Variants in GNA14 observed in about 807,000 individuals in gnomAD.
The protein encoded by GNA14 is G protein subunit alpha 14.
GNA14 carries 50 observed loss-of-function variants against 42.0 expected under a neutral mutation model. The observed-to-expected ratio is 1.19, with a 90% CI of 0.95 to 1.51. The LOEUF is 1.51. Among genes scored for constraint, GNA14 ranks in the 40% most tolerant of loss-of-function variants. GNA14 has a pLI of 0.00. For synonymous variants in GNA14, 173 were observed against 163.1 expected (o/e 1.06, Z -0.46); for missense variants, 473 against 446.2 (o/e 1.06, Z -0.54).
intron 2 of GNA14, among the ~76,000 whole-genome samples, chr9:77,512,740 C>T (rs572879850): frequency 6.6e-6 from 1 of 152,170 alleles, no homozygotes; most frequent in Non-Finnish European, 1.5e-5. Context: ...AGCTTTACCT[C>T]GTTCTTTTTA....
At position 77,577,684 on chromosome 9, in the gene GNA14, A is replaced by G. The variant is rs566307629; in HGVS notation, c.125-48431T>C. 9.2e-5 allele frequency among the ~76,000 whole-genome samples: 14 copies of G among 152,320 alleles called. No individual in the cohort carries two copies. In the East Asian group the frequency reaches 2.7e-3, roughly 29 times the overall value. ...CATCTGCAGATTAAACACTCTGAGA[A>G]TCTTCCTGTTTACTGACCACTTTCA... On this transcript the variant is annotated intron_variant, in intron 1 of 6. Transcript: ENST00000341700.
chr9:77,582,134 G>C (rs1427786917), intron 1 of GNA14, among the ~76,000 whole-genome samples: 2 of 152,102 alleles, frequency 1.3e-5, no homozygotes, highest in African/African-American at 4.8e-5. Flanking sequence ...TGCCCTTTCA[G>C]CAACACTTTA....
At chr9:77,552,319 G>A (rs971593438) in intron 1 of GNA14, among the ~76,000 whole-genome samples, 1 of 151,962 alleles carries the variant, frequency 6.6e-6, no homozygotes, top group Non-Finnish European at 1.5e-5. Flanking sequence ...GCTGAGAGAT[G>A]AACAAATCTG....
intron 2 of GNA14, among the ~76,000 whole-genome samples, chr9:77,446,599 T>G (rs1333208333): frequency 6.6e-6 from 1 of 151,968 alleles, no homozygotes; most frequent in Non-Finnish European, 1.5e-5. Context: ...ATCTTTCTTT[T>G]CCCATTTCTC....
intron 1 of GNA14, among the ~76,000 whole-genome samples, chr9:77,567,219 C>A (rs1482064464): frequency 2.6e-5 from 4 of 152,138 alleles, no homozygotes; most frequent in Non-Finnish European, 5.9e-5. Flanking sequence ...CTTTAGGAAG[C>A]AAGATTATTG....
In GNA14 at chr9:77,478,168, C is replaced by T. The variant is rs1162288301; in HGVS notation, c.310-43646G>A. 6.1e-5 allele frequency among the ~76,000 whole-genome samples: 9 copies of T among 146,812 alleles called. No homozygotes were observed. In the East Asian group the frequency reaches 1.9e-3, roughly 31 times the overall value. Reference sequence around the variant, plus strand: ...CATTAGGTATATCTCCTAATGCTATCCCTCCCTCCTCCCCCCACCCCACAA... The same window carrying T: ...CATTAGGTATATCTCCTAATGCTATTCCTCCCTCCTCCCCCCACCCCACAA... On this transcript the variant is annotated intron_variant, in intron 2 of 6. Transcript: ENST00000341700.
chr9:77,552,572 A>G (rs1837798952), intron 1 of GNA14, among the ~76,000 whole-genome samples: 1 of 152,158 alleles, frequency 6.6e-6, no homozygotes, highest in Non-Finnish European at 1.5e-5. Flanking sequence ...CTCTTTTAAG[A>G]ATTTCAAGAT....
At chr9:77,519,388 G>A (rs1285179799) in intron 2 of GNA14, among the ~76,000 whole-genome samples, 1 of 151,980 alleles carries the variant, frequency 6.6e-6, no homozygotes, top group African/African-American at 2.4e-5. Flanking sequence ...TCCAGCCTGG[G>A]TGACACGGCG....
At chr9:77,496,956 T>A (rs1438910334) in intron 2 of GNA14, among the ~76,000 whole-genome samples, 4 of 152,224 alleles carry the variant, frequency 2.6e-5, no homozygotes, top group African/African-American at 9.6e-5. Context: ...TTTAGGTCTG[T>A]AGATCACATA....
rs575947518 is a variant in GNA14 at position 77,607,761 on chromosome 9, T to C, written c.124+39909A>G. On this transcript the variant is annotated intron_variant, in intron 1 of 6. Coordinates refer to ENST00000341700, the MANE Select transcript of GNA14 (RefSeq NM_004297.4). ...AACAATTTAGTTCCTGGTTAGGGCC[T>C]GATTCCTGGCTTGCAGGCACTGGCC... 1.4e-3 allele frequency among the ~76,000 whole-genome samples: 212 copies of C among 152,312 alleles called. 1 individual carries two copies. Among genetic ancestry groups the C allele is most frequent in the Non-Finnish European group, 1.8e-3 (122 of 68,010 alleles).
chr9:77,481,328 G>C (rs879338568), intron 2 of GNA14, among the ~76,000 whole-genome samples: 3 of 152,172 alleles, frequency 2.0e-5, no homozygotes, highest in Non-Finnish European at 2.9e-5. Context: ...CTCAGGAGCA[G>C]GTTGTTCAGT....
At chr9:77,542,354 G>T (rs1837670819) in intron 1 of GNA14, among the ~76,000 whole-genome samples, 2 of 152,334 alleles carry the variant, frequency 1.3e-5, no homozygotes, top group South Asian at 2.1e-4. Context: ...GCAGTTATTA[G>T]TAAGTCTGTG....
intron 1 of GNA14, among the ~76,000 whole-genome samples, chr9:77,598,538 T>C (rs978204300): frequency 2.6e-5 from 4 of 152,174 alleles, no homozygotes; most frequent in African/African-American, 9.6e-5. Flanking sequence ...TCAAAGACAG[T>C]GCCCTCTGCT....
intron 1 of GNA14, among the ~76,000 whole-genome samples, chr9:77,591,734 T>A (rs2117889288): frequency 6.6e-6 from 1 of 152,282 alleles, no homozygotes; most frequent in East Asian, 1.9e-4. Flanking sequence ...CACTCCCTGC[T>A]CAAAAACCTT....
At chr9:77,543,956 T>A (rs1837690832) in intron 1 of GNA14, among the ~76,000 whole-genome samples, 1 of 152,236 alleles carries the variant, frequency 6.6e-6, no homozygotes, top group Admixed American at 6.5e-5. Flanking sequence ...ATTTGAGCTA[T>A]TCATACAATC....
At chr9:77,435,127 G>A (rs1414465228) in intron 2 of GNA14, among the ~76,000 whole-genome samples, 5 of 151,672 alleles carry the variant, frequency 3.3e-5, no homozygotes, top group Admixed American at 1.3e-4. Context: ...GGGAGGCCGA[G>A]GCGGGCCGAT....
chr9:77,481,808 C>T (rs1836557083), intron 2 of GNA14, among the ~76,000 whole-genome samples: 1 of 152,114 alleles, frequency 6.6e-6, no homozygotes, highest in South Asian at 2.1e-4. Context: ...ATGTAATGGC[C>T]TTCTTTGTCT....
chr9:77,491,048 C>A (rs1299708838), intron 2 of GNA14, among the ~76,000 whole-genome samples: 1 of 152,198 alleles, frequency 6.6e-6, no homozygotes, highest in African/African-American at 2.4e-5. Context: ...ACCATACAGT[C>A]CAGGAGGAAG....
chr9:77,536,167 A>G (rs1837595033), intron 1 of GNA14, among the ~76,000 whole-genome samples: 1 of 152,170 alleles, frequency 6.6e-6, no homozygotes, highest in South Asian at 2.1e-4. Flanking sequence ...AACTGGAAAC[A>G]ATTGGAGACA....
Sources: allele counts gnomAD v4.1 joint callset (sites outside exome capture counted in the v4.1 genomes callset), GRCh38; gene constraint gnomAD v4.1.1; transcripts MANE v1.5; gene names NCBI Gene and HGNC (gene_info 2026-07-23, HGNC 2026-07-21).